Variants in SIL1 observed in about 807,000 individuals in gnomAD.
The protein encoded by SIL1 is nucleotide exchange factor SIL1.
In SIL1, 40 loss-of-function variants were observed where a neutral mutation model predicts 49.1. That is an observed-to-expected ratio of 0.81 (90% CI 0.63 to 1.06). The LOEUF (loss-of-function observed/expected upper bound fraction) is 1.06. SIL1 is among the 50% of genes least tolerant of loss of function. SIL1 has a pLI of 0.00. For synonymous variants in SIL1, 253 were observed against 250.8 expected (o/e 1.01, Z -0.08); for missense variants, 500 against 572.6 (o/e 0.87, Z 1.29).
At chr5:139,010,796 C>T (rs1446138528) in intron 7 of SIL1, among the ~76,000 whole-genome samples, 14 of 151,982 alleles carry the variant, frequency 9.2e-5, no homozygotes, top group Admixed American at 3.9e-4. Context: ...GTCAGGGACC[C>T]ACTTGAAGAG....
chr5:139,177,020 C>T (rs1751898597), intron 1 of SIL1, among the ~76,000 whole-genome samples: 1 of 149,624 alleles, frequency 6.7e-6, no homozygotes, highest in South Asian at 2.1e-4. Context: ...GCAAGCTCCG[C>T]TTTCTGGGTT....
intron 1 of SIL1, among the ~76,000 whole-genome samples, chr5:139,145,964 ATATAAG>A (rs1751188975): frequency 6.6e-6 from 1 of 150,612 alleles, no homozygotes; most frequent in Non-Finnish European, 1.5e-5. Flanking sequence ...GTGTGTGTAT[ATATAAG>A]TATGTGAGTG....
intron 1 of SIL1, among the ~76,000 whole-genome samples, chr5:139,147,966 C>T (rs115993937): frequency 0.037 from 5,591 of 152,184 alleles, 358 homozygotes; most frequent in African/African-American, 0.13. Context: ...CAGGAGAGCC[C>T]TGGTTTTCTT....
chr5:138,981,710 G>C (rs1189794647), intron 7 of SIL1, among the ~76,000 whole-genome samples: 1 of 152,212 alleles, frequency 6.6e-6, no homozygotes, highest in Admixed American at 6.5e-5. Context: ...GCCAGTGATG[G>C]GCAGGGACTG....
chr5:139,103,280 T>C (rs889699507), intron 3 of SIL1, among the ~76,000 whole-genome samples: 2 of 152,230 alleles, frequency 1.3e-5, no homozygotes, highest in Admixed American at 1.3e-4. Flanking sequence ...ATAAGAGTTC[T>C]GATTCTTTGC....
At chr5:139,090,580 T>TATAC (rs1253888962) in intron 3 of SIL1, among the ~76,000 whole-genome samples, 2 of 152,158 alleles carry the variant, frequency 1.3e-5, no homozygotes, top group African/African-American at 4.8e-5. Flanking sequence ...AGAAATTTAA[T>TATAC]ATACAGTAAG....
intron 1 of SIL1, among the ~76,000 whole-genome samples, chr5:139,133,132 T>C (rs570816484): frequency 6.6e-6 from 1 of 152,292 alleles, no homozygotes; most frequent in Admixed American, 6.5e-5. Context: ...TTTACATTTA[T>C]GGCCCTCTTC....
intron 7 of SIL1, among the ~76,000 whole-genome samples, chr5:139,020,470 T>C (rs939624026): frequency 2.0e-5 from 3 of 152,352 alleles, no homozygotes; most frequent in Middle Eastern, 3.4e-3. Context: ...AATCAGAATA[T>C]TTGTTCCTGT....
chr5:139,152,870 G>C (rs1247069362), intron 1 of SIL1, among the ~76,000 whole-genome samples: 4 of 152,168 alleles, frequency 2.6e-5, no homozygotes, highest in Non-Finnish European at 5.9e-5. Context: ...GCTAGAGTGA[G>C]TGCAATGGCG....
intron 1 of SIL1, among the ~76,000 whole-genome samples, chr5:139,156,678 A>G (rs754305370): frequency 6.6e-6 from 1 of 152,228 alleles, no homozygotes; most frequent in Non-Finnish European, 1.5e-5. Context: ...TGAAGACAGG[A>G]GTAATGTGTC....
intron 7 of SIL1, among the ~76,000 whole-genome samples, chr5:138,974,032 C>T (rs1385752872): frequency 6.6e-6 from 1 of 152,136 alleles, no homozygotes; most frequent in Non-Finnish European, 1.5e-5. Context: ...AGAAGAGGCT[C>T]CTCAGGTCTC....
At chr5:138,990,014 C>A (rs1044854046) in intron 7 of SIL1, among the ~76,000 whole-genome samples, 1 of 152,130 alleles carries the variant, frequency 6.6e-6, no homozygotes, top group Non-Finnish European at 1.5e-5. Flanking sequence ...GAAAGGCATG[C>A]GTGCGACAGG....
intron 4 of SIL1, 96 bp downstream of exon 4, chr5:139,050,842 A>T (rs1426765267): frequency 2.4e-5 from 25 of 1,046,948 alleles, no homozygotes; most frequent in East Asian, 4.8e-5. Flanking sequence ...ATTTCAAATT[A>T]AAAAAAGCCA....
chr5:139,146,149 C>T (rs555748814), intron 1 of SIL1, among the ~76,000 whole-genome samples: 3 of 152,242 alleles, frequency 2.0e-5, no homozygotes, highest in Admixed American at 2.0e-4. Context: ...CAGCCTTCTG[C>T]TGTATATATT....
chr5:139,097,368 G>A (rs1279359911), intron 3 of SIL1, among the ~76,000 whole-genome samples: 1 of 151,988 alleles, frequency 6.6e-6, no homozygotes, highest in Non-Finnish European at 1.5e-5. Context: ...ATAGGCAATA[G>A]CCAGGGAATG....
chr5:139,105,619 T>C (rs1770685520), intron 3 of SIL1, among the ~76,000 whole-genome samples: 1 of 152,212 alleles, frequency 6.6e-6, no homozygotes, highest in South Asian at 2.1e-4. Context: ...GAATGGGCTG[T>C]GCATAATGCA....
chr5:139,159,549 T>C (rs891558224), intron 1 of SIL1, among the ~76,000 whole-genome samples: 1 of 152,222 alleles, frequency 6.6e-6, no homozygotes, highest in Non-Finnish European at 1.5e-5. Flanking sequence ...TTAAGAGCTT[T>C]GAGGCTTCTT....
At chr5:139,161,779 G>A (rs1307529239) in intron 1 of SIL1, among the ~76,000 whole-genome samples, 3 of 152,140 alleles carry the variant, frequency 2.0e-5, no homozygotes, top group Admixed American at 6.5e-5. Flanking sequence ...CACTTTGGGA[G>A]GCTGAGGTGG....
At chr5:139,145,638 G>A (rs1231253590) in intron 1 of SIL1, among the ~76,000 whole-genome samples, 4 of 10,876 alleles carry the variant, frequency 3.7e-4, no homozygotes, top group Non-Finnish European at 6.3e-4. Context: ...GCGTGTGTGT[G>A]TGTGTGTGTG....
Sources: allele counts gnomAD v4.1 joint callset (sites outside exome capture counted in the v4.1 genomes callset), GRCh38; gene constraint gnomAD v4.1.1; transcripts MANE v1.5; gene names NCBI Gene and HGNC (gene_info 2026-07-23, HGNC 2026-07-21).